The following KIAA1217 variants were observed in gnomAD, a reference collection of about 807,000 sequenced individuals.
The protein encoded by KIAA1217 is KIAA1217.
Under a neutral mutation model 163.9 loss-of-function variants are expected in KIAA1217, and 88 were observed. The ratio of observed to expected loss-of-function variants is 0.54; its 90% CI spans 0.45 to 0.64. KIAA1217 has a LOEUF of 0.64. Among genes scored for constraint, KIAA1217 ranks in the 30% least tolerant of loss-of-function variants. The pLI is 0.00. For missense variants in KIAA1217, 2,372 were observed against 2,475.0 expected (o/e 0.96, Z 0.88); for synonymous variants, 903 against 923.1 (o/e 0.98, Z 0.39).
intron 2 of KIAA1217, among the ~76,000 whole-genome samples, chr10:24,342,529 G>A (rs566358615): frequency 7.9e-5 from 12 of 152,086 alleles, no homozygotes; most frequent in Admixed American, 5.9e-4. Context: ...CCAGTAGATA[G>A]ATGCATGGCT....
chr10:24,007,705 A>G (rs1847061628), intron 2 of KIAA1217, among the ~76,000 whole-genome samples: 1 of 152,224 alleles, frequency 6.6e-6, no homozygotes, highest in South Asian at 2.1e-4. Flanking sequence ...ACTAAAGAAT[A>G]CGAAAATGCT....
intron 5 of KIAA1217, among the ~76,000 whole-genome samples, chr10:24,447,080 C>CA (rs1462108190): frequency 1.3e-5 from 2 of 152,120 alleles, no homozygotes; most frequent in Non-Finnish European, 2.9e-5. Flanking sequence ...CCTCACCACT[C>CA]ACTGTCCCTT....
intron 2 of KIAA1217, among the ~76,000 whole-genome samples, chr10:24,265,924 A>G (rs1467779556): frequency 6.6e-6 from 1 of 152,160 alleles, no homozygotes; most frequent in South Asian, 2.1e-4. Context: ...TCAGAGAGAA[A>G]CAAAAGAACT....
intron 2 of KIAA1217, among the ~76,000 whole-genome samples, chr10:24,096,673 T>G (rs2131702717): frequency 6.6e-6 from 1 of 152,284 alleles, no homozygotes; most frequent in South Asian, 2.1e-4. Context: ...CTCAGGCCCT[T>G]TGCATGTGCT....
chr10:23,726,586 C>A (rs182615289), intron 1 of KIAA1217, among the ~76,000 whole-genome samples: 2,028 of 152,026 alleles, frequency 0.013, 37 homozygotes, highest in African/African-American at 0.043. Context: ...TTCTGCACAG[C>A]AAAAGAAACT....
chr10:24,474,685 T>C (rs1836800445), intron 6 of KIAA1217, among the ~76,000 whole-genome samples: 1 of 152,240 alleles, frequency 6.6e-6, no homozygotes, highest in Non-Finnish European at 1.5e-5. Flanking sequence ...CTTGAATTTC[T>C]TTTTAAATAG....
intron 1 of KIAA1217, among the ~76,000 whole-genome samples, chr10:23,750,799 G>T (rs116704992): frequency 3.2e-4 from 49 of 152,246 alleles, no homozygotes; most frequent in African/African-American, 1.2e-3. Flanking sequence ...TTGGCAGAAT[G>T]AAGTGTTGGT....
chr10:24,506,000 T>TC (rs1564819297), intron 9 of KIAA1217, among the ~76,000 whole-genome samples: 2 of 151,948 alleles, frequency 1.3e-5, no homozygotes, highest in Non-Finnish European at 2.9e-5. Flanking sequence ...CAGACCCGTG[T>TC]CCCCTGCCAA....
intron 2 of KIAA1217, among the ~76,000 whole-genome samples, chr10:24,118,645 G>A (rs1471680485): frequency 6.6e-6 from 1 of 151,770 alleles, no homozygotes; most frequent in East Asian, 1.9e-4. Context: ...GTTACACTCT[G>A]AATTAGAGTC....
At chr10:23,736,299 A>T (rs75006228) in intron 1 of KIAA1217, among the ~76,000 whole-genome samples, 1 of 152,146 alleles carries the variant, frequency 6.6e-6, no homozygotes, top group Non-Finnish European at 1.5e-5. Context: ...GTGTGGTATG[A>T]CACACAGATT....
chr10:23,718,589 A>G (rs1240363105), intron 1 of KIAA1217, among the ~76,000 whole-genome samples: 1 of 152,088 alleles, frequency 6.6e-6, no homozygotes, highest in Non-Finnish European at 1.5e-5. Flanking sequence ...AATTAAGACT[A>G]TTGTGATACG....
intron 2 of KIAA1217, among the ~76,000 whole-genome samples, chr10:24,153,116 A>C (rs1422794974): frequency 6.6e-6 from 1 of 151,974 alleles, no homozygotes; most frequent in African/African-American, 2.4e-5. Flanking sequence ...ACAGGACTTC[A>C]CTCCTTTTTA....
intron 1 of KIAA1217, among the ~76,000 whole-genome samples, chr10:23,756,614 G>A (rs372576324): frequency 2.6e-5 from 4 of 152,098 alleles, no homozygotes; most frequent in South Asian, 2.1e-4. Flanking sequence ...ATAAAGGGAC[G>A]ATAGTTTTAT....
chr10:23,733,723 A>T (rs775034785), intron 1 of KIAA1217, among the ~76,000 whole-genome samples: 49 of 152,216 alleles, frequency 3.2e-4, no homozygotes, highest in Non-Finnish European at 6.0e-4. Context: ...CCTGAATTGT[A>T]GTATATGGCA....
At position 24,075,135 on chromosome 10, in the gene KIAA1217, C is replaced by CACACAA. The variant is rs2061329004; in HGVS notation, c.-171+67766_-171+67767insAACACA. 5.1e-5 allele frequency among the ~76,000 whole-genome samples: 7 copies of CACACAA among 136,240 alleles called. No individual in the cohort carries two copies. The South Asian group carries it at 1.5e-3, about 29-fold the overall frequency. The allele number at this position is 136,240 out of a possible 152,430, so 89.4% of individuals were successfully genotyped here. On this transcript the variant is annotated intron_variant, in intron 2 of 18. Coordinates refer to the KIAA1217 transcript ENST00000376462. Reference sequence around the variant, plus strand: ...CCCCCTAAATACACACACACACACACACACACACACACACACACACACACA... The same window carrying CACACAA: ...CCCCCTAAATACACACACACACACACACACAAACACACACACACACACACACACACA...
chr10:23,823,957 GA>G (rs1220237216), intron 1 of KIAA1217, among the ~76,000 whole-genome samples: 3 of 152,032 alleles, frequency 2.0e-5, no homozygotes, highest in South Asian at 4.2e-4. Flanking sequence ...GAACTGAAAA[GA>G]AAGGCAGAGG....
Position 24,417,619 on chromosome 10 carries a change from C to CCATTGAG in KIAA1217, c.554-15375_554-15369dup, listed in dbSNP as rs376398728. On this transcript the variant is annotated intron_variant, in intron 3 of 20. Coordinates refer to ENST00000376454, the MANE Select transcript of KIAA1217 (RefSeq NM_019590.5). ...ACAGGGAACCCCCGTGGACGGCTGG[C>CCATTGAG]CATTGAGACACAGTGGAGAGGAAGG... Among the ~76,000 whole-genome samples, 238 of 152,168 alleles carry CCATTGAG rather than the reference C, an allele frequency of 1.6e-3. 2 individuals are homozygous for CCATTGAG. Among genetic ancestry groups the CCATTGAG allele is most frequent in the African/African-American group, 5.3e-3 (221 of 41,506 alleles).
intron 1 of KIAA1217, among the ~76,000 whole-genome samples, chr10:23,835,364 G>GA (rs1274717464): frequency 2.0e-5 from 3 of 151,722 alleles, no homozygotes; most frequent in Non-Finnish European, 4.4e-5. Flanking sequence ...AAAATGGAGT[G>GA]ATTTTTTTTT....
chr10:23,855,332 G>A (rs1839595050), intron 1 of KIAA1217, among the ~76,000 whole-genome samples: 2 of 152,168 alleles, frequency 1.3e-5, no homozygotes. Flanking sequence ...TAAGAATGTT[G>A]AATATTGGCC....
Sources: allele counts gnomAD v4.1 joint callset (sites outside exome capture counted in the v4.1 genomes callset), GRCh38; gene constraint gnomAD v4.1.1; transcripts MANE v1.5; gene names NCBI Gene and HGNC (gene_info 2026-07-23, HGNC 2026-07-21).